Variants in NR3C2 observed in about 807,000 individuals in gnomAD.
NR3C2 encodes the protein nuclear receptor subfamily 3 group C member 2.
In NR3C2, 15 loss-of-function variants were observed where a neutral mutation model predicts 86.4. The observed-to-expected ratio is 0.17, with a 90% confidence interval of 0.12 to 0.27. The LOEUF (loss-of-function observed/expected upper bound fraction) is 0.27. Among genes scored for constraint, NR3C2 ranks in the 10% least tolerant of loss-of-function variants. The probability of loss-of-function intolerance (pLI) is 1.00; values close to 1 mark genes in which losing one functional copy is unlikely to be tolerated. For missense variants in NR3C2, 960 were observed against 1,195.6 expected, an observed-to-expected ratio of 0.80 and a Z score of 2.91; for synonymous variants, 458 against 450.5, an observed-to-expected ratio of 1.02 and a Z score of -0.21.
Position 148,435,682 on chromosome 4 carries a change from A to T in NR3C2, c.1179T>A (p.Asn393Lys), listed in dbSNP as rs753686886. The change falls in exon 2 of 9, where the codon AAT becomes AAA. Residue 393 changes from asparagine to lysine, a missense_variant. Transcript: ENST00000358102. ...AISNGVTGQL[N>K]IVQYIKPEPD... ...GTTCTGGTTTTATGTACTGGACAATATTAAGCTGGCCAGTCACACCATTTG... is the reference window on the plus strand; with the variant it reads ...GTTCTGGTTTTATGTACTGGACAATTTTAAGCTGGCCAGTCACACCATTTG... 2 of 1,614,180 alleles carry T rather than the reference A, an allele frequency of 1.2e-6. No individual in the cohort carries two copies. The highest frequency in any genetic ancestry group is 4.5e-5 in the East Asian group (2 of 44,876).
rs182555862 is a variant in NR3C2, at chr4:148,256,900, C to T, written c.1897+3078G>A. On this transcript the variant is annotated intron_variant, in intron 3 of 8. Transcript: ENST00000358102. Reference sequence around the variant, plus strand: ...CACATACATCCCATTAAACAGAGCACACACACACAAAAATTTATACTTTAA... The same window carrying T: ...CACATACATCCCATTAAACAGAGCATACACACACAAAAATTTATACTTTAA... Among the ~76,000 whole-genome samples, 235 of 152,186 alleles carry T rather than the reference C, an allele frequency of 1.5e-3. 1 individual carries two copies. The highest frequency in any genetic ancestry group is 5.2e-3 in the African/African-American group (218 of 41,540).
intron 4 of NR3C2, among the ~76,000 whole-genome samples, chr4:148,187,040 AT>A (rs1735956717): frequency 7.4e-6 from 1 of 135,648 alleles, no homozygotes; most frequent in Non-Finnish European, 1.6e-5. Flanking sequence ...ATATATATAT[AT>A]ATAAAGAAAC....
intron 2 of NR3C2, among the ~76,000 whole-genome samples, chr4:148,418,425 A>C (rs570801332): frequency 4.6e-5 from 7 of 152,232 alleles, no homozygotes; most frequent in Non-Finnish European, 1.0e-4. Context: ...GAGTTTAAAA[A>C]TCACTAAGAT....
intron 4 of NR3C2, among the ~76,000 whole-genome samples, chr4:148,156,093 C>T (rs1024565296): frequency 6.6e-6 from 1 of 152,046 alleles, no homozygotes; most frequent in Non-Finnish European, 1.5e-5. Context: ...CTTCCTTACA[C>T]CTTATACAAA....
chr4:148,209,897 T>C (rs1737199349), intron 3 of NR3C2, among the ~76,000 whole-genome samples: 1 of 152,222 alleles, frequency 6.6e-6, no homozygotes, highest in South Asian at 2.1e-4. Flanking sequence ...TCCATGATAC[T>C]GGCCTGATCA....
chr4:148,187,906 G>A (rs1054561988), intron 4 of NR3C2, among the ~76,000 whole-genome samples: 1 of 152,030 alleles, frequency 6.6e-6, no homozygotes, highest in Non-Finnish European at 1.5e-5. Flanking sequence ...ATAAGGTGAG[G>A]GATGAGGATC....
chr4:148,268,479 T>C (rs1740510700), intron 2 of NR3C2, among the ~76,000 whole-genome samples: 1 of 152,186 alleles, frequency 6.6e-6, no homozygotes, highest in Non-Finnish European at 1.5e-5. Flanking sequence ...CTGAGCTGTT[T>C]GAATAAAGTT....
chr4:148,120,137 C>A, intron 7 of NR3C2, 21 bp downstream of exon 7: 1 of 1,613,778 alleles, frequency 6.2e-7, no homozygotes, highest in African/African-American at 1.3e-5. Flanking sequence ...AGAAACAGTG[C>A]CAGAATGGGC....
At chr4:148,407,699 T>G (rs1307932869) in intron 2 of NR3C2, among the ~76,000 whole-genome samples, 1 of 151,844 alleles carries the variant, frequency 6.6e-6, no homozygotes, top group Non-Finnish European at 1.5e-5. Flanking sequence ...CCCCCTTCAT[T>G]AGGAATACAT....
chr4:148,095,975 G>A (rs2063009), intron 8 of NR3C2, among the ~76,000 whole-genome samples: 34,226 of 152,158 alleles, frequency 0.22, 4,587 homozygotes, highest in African/African-American at 0.37. Flanking sequence ...CTGGTCAGGG[G>A]TGAATATTAA....
intron 3 of NR3C2, among the ~76,000 whole-genome samples, chr4:148,230,243 G>C (rs1019712186): frequency 2.0e-5 from 3 of 152,182 alleles, no homozygotes; most frequent in Admixed American, 2.0e-4. Flanking sequence ...GCCCAGGCTG[G>C]AGTGCAGTGG....
intron 3 of NR3C2, among the ~76,000 whole-genome samples, chr4:148,243,292 G>T (rs1047246733): frequency 6.6e-6 from 1 of 152,096 alleles, no homozygotes; most frequent in African/African-American, 2.4e-5. Context: ...GCCTCCCAAA[G>T]CACGGGGATT....
At position 148,117,837 on chromosome 4, in the gene NR3C2, T is replaced by C. The variant is rs555294610; in HGVS notation, c.2641+2321A>G. ...TTCTCCAAATGACTTTACTGATCAC[T>C]GCCCCTTCTCCCACACCTCTGTTTC... On this transcript the variant is annotated intron_variant, in intron 7 of 8. Coordinates refer to ENST00000358102, the MANE Select transcript of NR3C2 (RefSeq NM_000901.5). 7.9e-5 allele frequency among the ~76,000 whole-genome samples: 12 copies of C among 152,302 alleles called. No homozygotes were observed. The South Asian group carries it at 2.5e-3, about 32-fold the overall frequency.
rs201598357 is a variant in NR3C2, at chr4:148,429,452, T to C, written c.1757+5652A>G. 3.6e-4 allele frequency among the ~76,000 whole-genome samples: 55 copies of C among 152,358 alleles called. 1 individual carries two copies. In the East Asian group the frequency reaches 0.01, roughly 28 times the overall value. On this transcript the variant is annotated intron_variant, in intron 2 of 8. Transcript: ENST00000358102. ...TCAAATTACTTTTTTTTGTCCTGTT[T>C]CCTTCCTTAAACTACAGTTTTCTAT...
chr4:148,083,253 G>A (rs1730661522), intron 8 of NR3C2, among the ~76,000 whole-genome samples: 1 of 152,170 alleles, frequency 6.6e-6, no homozygotes. Flanking sequence ...TCCTGAAGTG[G>A]GTCCCTGATC....
chr4:148,179,909 T>C (rs1326328009), intron 4 of NR3C2, among the ~76,000 whole-genome samples: 1 of 151,726 alleles, frequency 6.6e-6, no homozygotes, highest in Non-Finnish European at 1.5e-5. Flanking sequence ...CACTGACTTA[T>C]AAAAATTTAT....
At chr4:148,381,645 T>A (rs959450842) in intron 2 of NR3C2, among the ~76,000 whole-genome samples, 1 of 152,350 alleles carries the variant, frequency 6.6e-6, no homozygotes, top group African/African-American at 2.4e-5. Flanking sequence ...CAAAATGTTT[T>A]TATTTTTAAA....
intron 4 of NR3C2, among the ~76,000 whole-genome samples, chr4:148,176,712 C>G (rs1354264276): frequency 2.0e-5 from 3 of 152,144 alleles, no homozygotes; most frequent in Non-Finnish European, 4.4e-5. Flanking sequence ...GCAAGGCCAG[C>G]GCCTACCTTC....
chr4:148,082,670 T>TTG (rs1341557325), intron 8 of NR3C2, among the ~76,000 whole-genome samples: 3 of 150,254 alleles, frequency 2.0e-5, no homozygotes, highest in African/African-American at 7.3e-5. Flanking sequence ...CTGCAGTTTT[T>TTG]TTTTTTTTTT....
Sources: allele counts gnomAD v4.1 joint callset (sites outside exome capture counted in the v4.1 genomes callset), GRCh38; gene constraint gnomAD v4.1.1; transcripts MANE v1.5; gene names NCBI Gene and HGNC (gene_info 2026-07-23, HGNC 2026-07-21).